UPRT: variants seen among roughly 807,000 people sequenced by gnomAD.
UPRT encodes the protein uracil phosphoribosyltransferase homolog.
Under a neutral mutation model 22.6 loss-of-function variants are expected in UPRT, and 5 were observed. The ratio of observed to expected loss-of-function variants is 0.22; its 90% CI spans 0.12 to 0.47. UPRT has a LOEUF of 0.47. Among genes scored for constraint, UPRT ranks in the 20% least tolerant of loss-of-function variants. The probability of loss-of-function intolerance (pLI) is 0.99; values close to 1 mark genes in which losing one functional copy is unlikely to be tolerated. For synonymous variants in UPRT, 77 were observed against 87.7 expected, an observed-to-expected ratio of 0.88 and a Z score of 0.68; for missense variants, 181 against 239.9, an observed-to-expected ratio of 0.75 and a Z score of 1.62.
intron 4 of UPRT, among the ~76,000 whole-genome samples, chrX:75,224,509 G>A (rs750845956): frequency 1.2e-4 from 13 of 110,494 alleles, no homozygotes; most frequent in Non-Finnish European, 1.7e-4. Flanking sequence ...ATCCTCAGGA[G>A]GGCAAAGTTT....
Position 75,294,770 on chromosome X carries a change from C to T in UPRT, c.429+1256C>T, listed in dbSNP as rs960819431. On this transcript the variant is annotated intron_variant, in intron 2 of 6. Coordinates refer to ENST00000373383, the MANE Select transcript of UPRT (RefSeq NM_145052.4). ...TCTGTCTTTTATGCTTTTATCAAAC[C>T]AAAAGAACAGGCTTGAAGAACTTGT... The T allele has an allele frequency of 1.8e-5, 5 of 280,971 alleles. No individual in the cohort carries two copies. The Admixed American group carries it at 3.9e-4, about 22-fold the overall frequency. The allele number at this position is 280,971 out of a possible 1,213,427, so 23.2% of individuals were successfully genotyped here.
intron 4 of UPRT, among the ~76,000 whole-genome samples, chrX:75,266,776 A>G (rs1165395501): frequency 9.0e-6 from 1 of 111,682 alleles, no homozygotes; most frequent in Admixed American, 9.5e-5. Context: ...AAGTGGGTGA[A>G]GAATATGAAC....
Position 75,301,428 on chromosome X carries a change from G to C in UPRT, c.823+463G>C, listed in dbSNP as rs370880685. On this transcript the variant is annotated intron_variant, in intron 6 of 6. Coordinates refer to ENST00000373383, the MANE Select transcript of UPRT (RefSeq NM_145052.4). ...AACTGTGTGTTCTCCATTCCTGAAG[G>C]AGGTGTACCTAACTTAAGATCTTAG... Among the ~76,000 whole-genome samples, 5 of 111,984 alleles carry C rather than the reference G, an allele frequency of 4.5e-5. No individual in the cohort carries two copies. In the South Asian group the frequency reaches 1.8e-3, roughly 41 times the overall value.
intron 1 of UPRT, among the ~76,000 whole-genome samples, chrX:75,281,200 T>C (rs186157006): frequency 9.0e-6 from 1 of 111,358 alleles, no homozygotes; most frequent in African/African-American, 3.3e-5. Flanking sequence ...AAAGATCATA[T>C]CCTCAGCAAA....
intron 4 of UPRT, among the ~76,000 whole-genome samples, chrX:75,178,709 G>A (rs1446707670): frequency 1.8e-5 from 2 of 110,581 alleles, no homozygotes; most frequent in East Asian, 2.9e-4. Flanking sequence ...CGGTGGGCTC[G>A]TGGTCTCTCT....
At chrX:75,300,826 T>C in intron 5 of UPRT, 41 bp from the exon 6 acceptor site, 1 of 1,049,672 alleles carries the variant, frequency 9.5e-7, no homozygotes, top group Admixed American at 2.4e-5. Flanking sequence ...TAAAAATGAA[T>C]GTTAAGGTTG....
chrX:75,163,859 C>T (rs1039072829), intron 3 of UPRT, among the ~76,000 whole-genome samples: 2 of 111,436 alleles, frequency 1.8e-5, no homozygotes, highest in African/African-American at 6.5e-5. Context: ...GCTACATTCT[C>T]ATGAATGAAC....
chrX:75,225,972 A>G (rs1336492048), intron 4 of UPRT, among the ~76,000 whole-genome samples: 4 of 111,559 alleles, frequency 3.6e-5, no homozygotes, highest in Non-Finnish European at 7.5e-5. Flanking sequence ...AACATGTCTA[A>G]AATTGAACTC....
intron 4 of UPRT, among the ~76,000 whole-genome samples, chrX:75,184,647 C>G (rs1432974794): frequency 1.9e-5 from 2 of 107,550 alleles, no homozygotes; most frequent in Non-Finnish European, 3.8e-5. Context: ...TTGATTCTTC[C>G]TACCCATGAG....
chrX:75,202,705 G>A (rs2082350162), intron 4 of UPRT: 1 of 111,569 alleles, frequency 9.0e-6, no homozygotes, highest in Non-Finnish European at 1.9e-5. Context: ...CACTTTAAGT[G>A]GTCACTTTGG....
At chrX:75,203,631 T>A (rs905055116) in intron 4 of UPRT, among the ~76,000 whole-genome samples, 4 of 111,036 alleles carry the variant, frequency 3.6e-5, no homozygotes, top group Non-Finnish European at 5.7e-5. Context: ...CACCACTGTT[T>A]ACAGGCTTGG....
At chrX:75,262,498 GAAGATTC>G (rs2082572190) in intron 4 of UPRT, among the ~76,000 whole-genome samples, 1 of 111,630 alleles carries the variant, frequency 9.0e-6, no homozygotes, top group Admixed American at 9.6e-5. Flanking sequence ...CAAATTGGAT[GAAGATTC>G]AAGACCCATC....
At chrX:75,218,148 G>T (rs1167025451) in intron 4 of UPRT, among the ~76,000 whole-genome samples, 3 of 111,557 alleles carry the variant, frequency 2.7e-5, no homozygotes, top group Non-Finnish European at 5.6e-5. Context: ...TCTGACAAAG[G>T]ACTAATATCC....
chrX:75,188,792 G>A (rs1331420955), intron 4 of UPRT, among the ~76,000 whole-genome samples: 3 of 112,002 alleles, frequency 2.7e-5, no homozygotes, highest in African/African-American at 9.7e-5. Flanking sequence ...TCTTCCAGGT[G>A]CCGTCTGTCA....
At chrX:75,179,078 C>T in intron 4 of UPRT, among the ~76,000 whole-genome samples, 1 of 112,069 alleles carries the variant, frequency 8.9e-6, no homozygotes, top group East Asian at 2.8e-4. Flanking sequence ...ACTAGAGCAG[C>T]TAGACACCAG....
chrX:75,171,784 T>C (rs2082228654), intron 4 of UPRT, among the ~76,000 whole-genome samples: 1 of 111,289 alleles, frequency 9.0e-6, no homozygotes, highest in Admixed American at 9.5e-5. Flanking sequence ...TCTCTTGAGG[T>C]AGTACTCTTC....
intron 4 of UPRT, among the ~76,000 whole-genome samples, chrX:75,185,450 T>G (rs1166256732): frequency 1.8e-5 from 2 of 112,083 alleles, no homozygotes; most frequent in East Asian, 2.8e-4. Flanking sequence ...TTTTTGCATC[T>G]ATGTTCATCA....
intron 4 of UPRT, among the ~76,000 whole-genome samples, chrX:75,258,191 G>T (rs2082555282): frequency 2.5e-5 from 1 of 39,475 alleles, no homozygotes; most frequent in African/African-American, 5.2e-5. Context: ...CTAGCTGCAG[G>T]TGTTTTTTTT....
intron 4 of UPRT, among the ~76,000 whole-genome samples, chrX:75,221,209 GT>G (rs781624963): frequency 2.4e-4 from 25 of 104,272 alleles, no homozygotes; most frequent in East Asian, 6.1e-4. Flanking sequence ...TTTTTTGTTT[GT>G]TTTTTTTTTC....
Sources: allele counts gnomAD v4.1 joint callset (sites outside exome capture counted in the v4.1 genomes callset), GRCh38; gene constraint gnomAD v4.1.1; transcripts MANE v1.5; gene names NCBI Gene and HGNC (gene_info 2026-07-23, HGNC 2026-07-21).